The following GTF2A1 variants were observed in gnomAD, a reference collection of about 807,000 sequenced individuals.
GTF2A1 encodes the protein transcription initiation factor IIA subunit 1.
GTF2A1 carries 12 observed loss-of-function variants against 54.1 expected under a neutral mutation model. That is an observed-to-expected ratio of 0.22 (90% CI 0.14 to 0.36). The LOEUF (loss-of-function observed/expected upper bound fraction) is 0.36. Among genes scored for constraint, GTF2A1 ranks in the 10% least tolerant of loss-of-function variants. The pLI is 1.00. For missense variants in GTF2A1, 335 were observed against 442.2 expected (o/e 0.76, Z 2.17); for synonymous variants, 145 against 152.0 (o/e 0.95, Z 0.34).
At chr14:81,197,633 G>A (rs1252070567) in intron 4 of GTF2A1, 149 bp from the exon 5 acceptor site, 4 of 512,708 alleles carry the variant, frequency 7.8e-6, no homozygotes, top group Non-Finnish European at 1.4e-5. Context: ...TTATAAAATG[G>A]TACAAGACTG....
intron 7 of GTF2A1, among the ~76,000 whole-genome samples, chr14:81,187,961 A>C (rs1302559283): frequency 1.3e-5 from 2 of 152,172 alleles, no homozygotes; most frequent in Non-Finnish European, 2.9e-5. Flanking sequence ...CAAGGGCTCC[A>C]ATTTCTCCAA....
At chr14:81,218,795 G>T (rs1200375383) in intron 1 of GTF2A1, among the ~76,000 whole-genome samples, 3 of 150,010 alleles carry the variant, frequency 2.0e-5, no homozygotes, top group African/African-American at 7.4e-5. Flanking sequence ...GTTCTACTTA[G>T]ATTTTTTTTT....
In GTF2A1 at chr14:81,192,594, A is replaced by C. The variant is rs1169373346; in HGVS notation, c.858T>G (p.Asp286Glu). 6.2e-7 allele frequency: 1 copy of C among 1,611,746 alleles called. No homozygotes were observed. The highest frequency in any genetic ancestry group is 1.7e-5 in the Admixed American group (1 of 60,002). ...TGDTSSEEDE[D>E]EEEDYDDDEE... is the part of the protein sequence containing the mutation. ...CATCATCATCATAGTCTTCTTCTTC[A>C]TCTTCATCTTCTTCAGATGATGTAT... The change falls in exon 7 of 9, where the codon GAT becomes GAG. Residue 286 changes from aspartate to glutamate, a missense_variant. Physicochemically the swap from Asp to Glu is conservative, Grantham distance 45. Coordinates refer to ENST00000553612, the MANE Select transcript of GTF2A1 (RefSeq NM_015859.4).
At chr14:81,206,857 G>A (rs1394407774) in intron 2 of GTF2A1, among the ~76,000 whole-genome samples, 1 of 150,876 alleles carries the variant, frequency 6.6e-6, no homozygotes, top group Non-Finnish European at 1.5e-5. Context: ...CACTAAGAAT[G>A]TTTTTTGTAA....
chr14:81,204,196 C>A, intron 2 of GTF2A1, 92 bp from the exon 3 acceptor site: 1 of 913,188 alleles, frequency 1.1e-6, no homozygotes, highest in Non-Finnish European at 1.8e-6. Flanking sequence ...AAAGTTATTC[C>A]ATTTTAAAAA....
chr14:81,190,991 C>A (rs1216289984), intron 7 of GTF2A1, among the ~76,000 whole-genome samples: 1 of 152,092 alleles, frequency 6.6e-6, no homozygotes, highest in East Asian at 1.9e-4. Context: ...CATGTTACTT[C>A]AAGAAGCACT....
chr14:81,187,868 G>A (rs186476700), intron 7 of GTF2A1, among the ~76,000 whole-genome samples: 27 of 152,192 alleles, frequency 1.8e-4, no homozygotes, highest in Middle Eastern at 6.8e-3. Flanking sequence ...GGGTCATATG[G>A]ATAATTCTAT....
Position 81,192,855 on chromosome 14 carries a change from AC to A in GTF2A1, c.613-17del. 2 of 1,446,962 alleles carry A rather than the reference AC, an allele frequency of 1.4e-6. No individual in the cohort carries two copies. The highest frequency in any genetic ancestry group is 1.9e-6 in the Non-Finnish European group (2 of 1,032,988). 89.6% of individuals were successfully genotyped at this position (1,446,962 alleles called of 1,614,324 possible). A position where few individuals can be genotyped will look rare whatever the true frequency, so the allele number is the denominator to read the frequency against. On this transcript the variant is annotated splice_polypyrimidine_tract_variant and intron_variant, in intron 6 of 8. Coordinates refer to ENST00000553612, the MANE Select transcript of GTF2A1 (RefSeq NM_015859.4). ...GAGCCAGCACCTAAAGCAAAAGAAA[AC>A]CACATAACAGTAACTAGTTAAGAGG...
In GTF2A1 at chr14:81,176,540, G is replaced by C. The variant is rs1892533183; in HGVS notation, c.*3683C>G. ...TTTGTTCCTCAAAATAAACAAAAATGTTAGTTTGGTGTGTTCTTCATTAAA... is the reference window on the plus strand; with the variant it reads ...TTTGTTCCTCAAAATAAACAAAAATCTTAGTTTGGTGTGTTCTTCATTAAA... On this transcript the variant is annotated 3_prime_UTR_variant, in exon 9 of 9. Coordinates refer to ENST00000553612, the MANE Select transcript of GTF2A1 (RefSeq NM_015859.4). The C allele has an allele frequency of 6.6e-6, 1 of 152,076 alleles. No individual in the cohort carries two copies. The highest frequency in any genetic ancestry group is 2.4e-5 in the African/African-American group (1 of 41,424). The allele number at this position is 152,076 out of a possible 1,614,324, so 9.4% of individuals were successfully genotyped here. A position where few individuals can be genotyped will look rare whatever the true frequency, so the allele number is the denominator to read the frequency against.
At chr14:81,201,916 T>C (rs537507853) in intron 3 of GTF2A1, among the ~76,000 whole-genome samples, 2 of 152,220 alleles carry the variant, frequency 1.3e-5, no homozygotes, top group East Asian at 3.9e-4. Flanking sequence ...TTACAGCACT[T>C]TGGGAGGCCA....
At chr14:81,220,987 A>AGGGCGGGGGCAGAGGT (rs1893634381), upstream of GTF2A1, 1 of 156,820 alleles carries the variant, frequency 6.4e-6, no homozygotes, top group Admixed American at 6.5e-5. Context: ...AGGGGCGGAA[A>AGGGCGGGGGCAGAGGT]GGGCGGGGGC....
intron 8 of GTF2A1, among the ~76,000 whole-genome samples, chr14:81,180,885 T>C (rs1219266438): frequency 1.3e-5 from 2 of 152,250 alleles, no homozygotes; most frequent in Admixed American, 1.3e-4. Flanking sequence ...TCTTTTCCAC[T>C]GTTAAATTCC....
intron 2 of GTF2A1, among the ~76,000 whole-genome samples, chr14:81,215,496 C>A (rs77871101): frequency 0.02 from 3,095 of 152,164 alleles, 105 homozygotes; most frequent in African/African-American, 0.069. Context: ...ATCAACAGGG[C>A]AAAAATATTC....
intron 4 of GTF2A1, among the ~76,000 whole-genome samples, chr14:81,198,224 C>T (rs1192018263): frequency 6.6e-6 from 1 of 152,174 alleles, no homozygotes; most frequent in Non-Finnish European, 1.5e-5. Context: ...GTGGGCAGAT[C>T]GCTTGAGCTC....
Position 81,220,691 on chromosome 14 carries a change from A to G in GTF2A1, c.-173T>C. 1 of 287,246 alleles carries G rather than the reference A, an allele frequency of 3.5e-6. No individual in the cohort carries two copies. The highest frequency in any genetic ancestry group is 6.4e-6 in the Non-Finnish European group (1 of 155,440). The allele number at this position is 287,246 out of a possible 1,614,324, so 17.8% of individuals were successfully genotyped here. On this transcript the variant is annotated 5_prime_UTR_variant, in exon 1 of 9. Coordinates refer to ENST00000553612, the MANE Select transcript of GTF2A1 (RefSeq NM_015859.4). ...AGTAGGGGAGAGCGGAGAGAGGAGG[A>G]GGAGGGGGGCACTCCTCCCGCAGCT...
rs930645679 is a variant in GTF2A1 at position 81,178,818 on chromosome 14, A to G, written c.*1405T>C. 1.2e-4 allele frequency: 19 copies of G among 152,212 alleles called. No individual in the cohort carries two copies. Among genetic ancestry groups the G allele is most frequent in the Admixed American group, 5.2e-4 (8 of 15,276 alleles). The allele number at this position is 152,212 out of a possible 1,614,324, so 9.4% of individuals were successfully genotyped here. A position where few individuals can be genotyped will look rare whatever the true frequency, so the allele number is the denominator to read the frequency against. On this transcript the variant is annotated 3_prime_UTR_variant, in exon 9 of 9. Coordinates refer to ENST00000553612, the MANE Select transcript of GTF2A1 (RefSeq NM_015859.4). Reference sequence around the variant, plus strand: ...TAAATTTTGTCAAGATAAACCATGGAAAGTTGAATTCGTTGTAAGAACACA... The same window carrying G: ...TAAATTTTGTCAAGATAAACCATGGGAAGTTGAATTCGTTGTAAGAACACA...
At position 81,214,374 on chromosome 14, in the gene GTF2A1, G is replaced by A. The variant is rs187490897; in HGVS notation, c.132+2039C>T. Among the ~76,000 whole-genome samples, 228 of 152,120 alleles carry A rather than the reference G, an allele frequency of 1.5e-3. 1 individual carries two copies. Among genetic ancestry groups the A allele is most frequent in the African/African-American group, 4.7e-3 (197 of 41,474 alleles). On this transcript the variant is annotated intron_variant, in intron 2 of 8. Coordinates refer to ENST00000553612, the MANE Select transcript of GTF2A1 (RefSeq NM_015859.4). ...AAATTACTGAGACCCGGCCGGGAGC[G>A]GTGGCTCATGTCTGTAATCCCAGCA...
intron 2 of GTF2A1, among the ~76,000 whole-genome samples, chr14:81,211,833 A>C (rs1893369389): frequency 6.9e-6 from 1 of 145,792 alleles, no homozygotes; most frequent in Non-Finnish European, 1.5e-5. Flanking sequence ...TATTCAACTT[A>C]TGGTCCAAAT....
intron 2 of GTF2A1, among the ~76,000 whole-genome samples, chr14:81,210,236 T>G (rs1893333318): frequency 6.6e-6 from 1 of 151,958 alleles, no homozygotes; most frequent in Non-Finnish European, 1.5e-5. Flanking sequence ...ACAAAAAGAG[T>G]ATCATACAAA....
Sources: gnomAD v4.1 joint callset for allele counts (sites outside exome capture counted in the v4.1 genomes callset) on GRCh38, gnomAD v4.1.1 for gene constraint, MANE v1.5 for transcripts, NCBI Gene and HGNC (gene_info 2026-07-23, HGNC 2026-07-21) for gene names.